Variants in C1GALT1C1L observed in about 807,000 individuals in gnomAD.
C1GALT1C1L encodes C1GALT1-specific chaperone 1-like protein.
A neutral mutation model predicts 0.5 loss-of-function variants in C1GALT1C1L; 1 was observed. The ratio of observed to expected loss-of-function variants is 2.11; its 90% confidence interval spans 0.75 to 10.02. The LOEUF (loss-of-function observed/expected upper bound fraction) is 10.02, where lower values mean the gene tolerates loss of function less well. C1GALT1C1L is among the 30% of genes most tolerant of loss of function. The pLI is 0.13. For missense variants in C1GALT1C1L, 444 were observed against 375.5 expected (o/e 1.18, Z -1.51); for synonymous variants, 148 against 132.6 (o/e 1.12, Z -0.80).
Position 43,675,556 on chromosome 2 carries a change from A to G in C1GALT1C1L, c.767T>C (p.Leu256Ser), listed in dbSNP as rs888430503. The G allele has an allele frequency of 1.9e-6, 3 of 1,613,800 alleles. No homozygotes were observed. Among genetic ancestry groups the G allele is most frequent in the Non-Finnish European group, 2.5e-6 (3 of 1,179,846 alleles). ...TACTACTTGCTGAGGGTTATTAGAC[A>G]ATGCCTCTTCAATAAGCTGTGCGAT... is the stretch of plus-strand genomic sequence containing the variant. ...KPIAQLIEEA[L>S]SNNPQQVVEG... The change falls in exon 1 of 1, where the codon TTG (leucine) becomes TCG (serine). Residue 256 changes from leucine (L) to serine (S), a missense_variant. Coordinates refer to ENST00000475092, the MANE Select transcript of C1GALT1C1L (RefSeq NM_001101330.3).
rs367771129 is a variant in C1GALT1C1L, at chr2:43,675,728, G to A, written c.595C>T (p.Leu199Phe). 42 of 1,613,774 alleles carry A rather than the reference G, an allele frequency of 2.6e-5. No individual in the cohort carries two copies. Among genetic ancestry groups the A allele is most frequent in the Non-Finnish European group, 3.3e-5 (39 of 1,179,898 alleles). The stretch of plus-strand genomic sequence containing the variant: ...TCTGCACAGGTCTCAGAGTTATCGA[G>A]AAGTCTGTTAAGTCTTTTCATCAAC... ...RELMKRLNRL[L>F]DNSETCADQS... is the part of the protein sequence containing the mutation. Residue 199 changes from leucine to phenylalanine, a missense_variant, in exon 1 of 1, where the codon CTC becomes TTC. Leu to Phe is a conservative substitution (Grantham distance 22, BLOSUM62 0). Transcript: ENST00000475092.
In C1GALT1C1L at chr2:43,676,366, G is replaced by A. The variant is rs759274710; in HGVS notation, c.-44C>T. ...GTGTGCCAGGGTCAAAGGCAGCCTG[G>A]GACCGGGTCCTGGGGTCCCGCGCCT... On this transcript the variant is annotated 5_prime_UTR_variant, in exon 1 of 1. Coordinates refer to ENST00000475092, the MANE Select transcript of C1GALT1C1L (RefSeq NM_001101330.3). 6.7e-7 allele frequency: 1 copy of A among 1,502,522 alleles called. No individual in the cohort carries two copies. Among genetic ancestry groups the A allele is most frequent in the Non-Finnish European group, 9.0e-7 (1 of 1,115,592 alleles). The allele number at this position is 1,502,522 out of a possible 1,614,324, so 93.1% of individuals were successfully genotyped here.
Position 43,676,212 on chromosome 2 carries a change from A to C in C1GALT1C1L, c.111T>G (p.Thr37=), listed in dbSNP as rs1358045181. ...GQIHIRHRGQ[T]QDHEHHHLRP... Reference sequence around the variant, plus strand: ...GAAGGTGATGGTGCTCGTGGTCTTGAGTTTGACCTCTGTGTCGAATGTGAA... The same window carrying C: ...GAAGGTGATGGTGCTCGTGGTCTTGCGTTTGACCTCTGTGTCGAATGTGAA... Residue 37 remains threonine (T), a synonymous_variant, in exon 1 of 1, where the codon ACT becomes ACG. Transcript: ENST00000475092. The C allele has an allele frequency of 1.9e-6, 3 of 1,614,046 alleles. No homozygotes were observed. The highest frequency in any genetic ancestry group is 2.5e-6 in the Non-Finnish European group (3 of 1,179,906).
Position 43,676,088 on chromosome 2 carries a change from C to T in C1GALT1C1L, c.235G>A (p.Glu79Lys). ...RVFCIIFGES[E>K]DESYWAVLKE... ...AGTACAGCCCAGTAACTCTCATCTT[C>T]GGATTCTCCAAAGATGATACAGAAA... Residue 79 changes from glutamate to lysine, a missense_variant, in exon 1 of 1, where the codon GAA (glutamate) becomes AAA (lysine). Coordinates refer to ENST00000475092, the MANE Select transcript of C1GALT1C1L (RefSeq NM_001101330.3). 6.2e-7 allele frequency: 1 copy of T among 1,613,746 alleles called. No individual in the cohort carries two copies. Among genetic ancestry groups the T allele is most frequent in the South Asian group, 1.1e-5 (1 of 91,046 alleles).
In C1GALT1C1L at chr2:43,676,417, G is replaced by A. The variant is rs1667794259; in HGVS notation, c.-95C>T. ...TCCGGAGCTGGCGGCTGCGCTCCCGGTTGGGCCACTCTAGCTGCGGGAGGT... is the reference window on the plus strand; with the variant it reads ...TCCGGAGCTGGCGGCTGCGCTCCCGATTGGGCCACTCTAGCTGCGGGAGGT... On this transcript the variant is annotated 5_prime_UTR_variant, in exon 1 of 1. Transcript: ENST00000475092. The A allele has an allele frequency of 2.0e-6, 2 of 978,876 alleles. No individual in the cohort carries two copies. The highest frequency in any genetic ancestry group is 1.7e-5 in the South Asian group (1 of 57,814). 60.6% of individuals were successfully genotyped at this position (978,876 alleles called of 1,614,324 possible).
rs1667751637 is a variant in C1GALT1C1L, at chr2:43,676,001, A to C, written c.322T>G (p.Leu108Val). 6.2e-7 allele frequency: 1 copy of C among 1,613,862 alleles called. No homozygotes were observed. Among genetic ancestry groups the C allele is most frequent in the Admixed American group, 1.7e-5 (1 of 59,990 alleles). ...AELYDTKNDN[L>V]FNIESNDRWV... ...CTGTCATTACTTTCTATATTGAACAAATTATCATTTTTAGTATCGTAGAGC... is the reference window on the plus strand; with the variant it reads ...CTGTCATTACTTTCTATATTGAACACATTATCATTTTTAGTATCGTAGAGC... Residue 108 changes from leucine to valine, a missense_variant, in exon 1 of 1, where the codon TTG becomes GTG. Coordinates refer to ENST00000475092, the MANE Select transcript of C1GALT1C1L (RefSeq NM_001101330.3).
Position 43,676,380 on chromosome 2 carries a change from G to A in C1GALT1C1L, c.-58C>T. The A allele has an allele frequency of 7.1e-7, 1 of 1,415,774 alleles. No homozygotes were observed. The highest frequency in any genetic ancestry group is 9.5e-7 in the Non-Finnish European group (1 of 1,049,528). 87.7% of individuals were successfully genotyped at this position (1,415,774 alleles called of 1,614,324 possible). A position where few individuals can be genotyped will look rare whatever the true frequency, so the allele number is the denominator to read the frequency against. On this transcript the variant is annotated 5_prime_UTR_variant, in exon 1 of 1. Transcript: ENST00000475092. ...AAGGCAGCCTGGGACCGGGTCCTGGGGTCCCGCGCCTTCCGGAGCTGGCGG... is the reference window on the plus strand; with the variant it reads ...AAGGCAGCCTGGGACCGGGTCCTGGAGTCCCGCGCCTTCCGGAGCTGGCGG...
At chr2:43,675,830 AG>A in the C1GALT1C1L span, 3 of 1,614,022 alleles carry the variant, frequency 1.9e-6, no homozygotes, top group Non-Finnish European at 2.5e-6. Flanking sequence ...CCCAGATAGA[AG>A]GGCTGGGATG....
Position 43,675,325 on chromosome 2 carries a change from G to T in C1GALT1C1L, c.*50C>A. 1 of 1,302,202 alleles carries T rather than the reference G, an allele frequency of 7.7e-7. No individual in the cohort carries two copies. The highest frequency in any genetic ancestry group is 1.0e-6 in the Non-Finnish European group (1 of 959,966). The allele number at this position is 1,302,202 out of a possible 1,614,324, so 80.7% of individuals were successfully genotyped here. A position where few individuals can be genotyped will look rare whatever the true frequency, so the allele number is the denominator to read the frequency against. On this transcript the variant is annotated 3_prime_UTR_variant, in exon 1 of 1. Transcript: ENST00000475092. The stretch of plus-strand genomic sequence containing the variant: ...TTACACTGTATCAGAATTTGGACTA[G>T]CCACATTTCAAGTGCTCTTGGACAG...
At position 43,676,175 on chromosome 2, in the gene C1GALT1C1L, T is replaced by C. The variant is rs149507132; in HGVS notation, c.148A>G (p.Arg50Gly). ...HEHHHLRPPN[R>G]NDFLNTSKVI... Reference sequence around the variant, plus strand: ...TTTGAAGTGTTTAAGAAATCGTTCCTGTTAGGTGGACGAAGGTGATGGTGC... The same window carrying C: ...TTTGAAGTGTTTAAGAAATCGTTCCCGTTAGGTGGACGAAGGTGATGGTGC... The change falls in exon 1 of 1, where the codon AGG (arginine) becomes GGG (glycine). Residue 50 changes from arginine (R) to glycine (G), a missense_variant. Coordinates refer to ENST00000475092, the MANE Select transcript of C1GALT1C1L (RefSeq NM_001101330.3). 648 of 1,614,032 alleles carry C rather than the reference T, an allele frequency of 4.0e-4. 3 individuals carry two copies. In the African/African-American group the frequency reaches 8.0e-3, roughly 20 times the overall value.
At position 43,675,994 on chromosome 2, in the gene C1GALT1C1L, T is replaced by C; in HGVS notation, c.329A>G (p.Asn110Ser). 1.2e-6 allele frequency: 2 copies of C among 1,614,052 alleles called. No homozygotes were observed. The highest frequency in any genetic ancestry group is 1.7e-6 in the Non-Finnish European group (2 of 1,179,902). The change falls in exon 1 of 1, where the codon AAT becomes AGT. Residue 110 changes from asparagine to serine, a missense_variant. Physicochemically the swap from Asn to Ser is conservative, Grantham distance 46. Transcript: ENST00000475092. ...TACCCACCTGTCATTACTTTCTATA[T>C]TGAACAAATTATCATTTTTAGTATC... is the stretch of plus-strand genomic sequence containing the variant. ...LYDTKNDNLF[N>S]IESNDRWVQM...
chr2:43,675,447 C>G lies in C1GALT1C1L; in HGVS notation c.876G>C (p.Arg292=), dbSNP rs1667699493. ...TGAAATAGTGTCCAAATGCCCTGAGCCGGTACAGGCCATACATCATTACTT... is the reference window on the plus strand; with the variant it reads ...TGAAATAGTGTCCAAATGCCCTGAGGCGGTACAGGCCATACATCATTACTT... The part of the protein sequence containing the change: ...KMEVMMYGLY[R]LRAFGHYFND... The change falls in exon 1 of 1, where the codon CGG becomes CGC. Residue 292 remains arginine, a synonymous_variant. Transcript: ENST00000475092. The G allele has an allele frequency of 6.2e-7, 1 of 1,612,722 alleles. No individual in the cohort carries two copies. The highest frequency in any genetic ancestry group is 1.3e-5 in the African/African-American group (1 of 74,868).
rs764949329 is a variant in C1GALT1C1L, at chr2:43,675,496, T to C, written c.827A>G (p.Asn276Ser). 3.1e-6 allele frequency: 5 copies of C among 1,613,908 alleles called. No homozygotes were observed. Among genetic ancestry groups the C allele is most frequent in the East Asian group, 2.2e-5 (1 of 44,890 alleles). The change falls in exon 1 of 1, where the codon AAT becomes AGT. Residue 276 changes from asparagine (N) to serine (S), a missense_variant. Physicochemically the swap from Asn to Ser is conservative, Grantham distance 46. Transcript: ENST00000475092. ...GCCSDMAITF[N>S]GLTPQKMEVM... ...TTCCATCTTTTGGGGGGTCAGTCCATTGAAAGTAATAGCCATATCTGAACA... is the reference window on the plus strand; with the variant it reads ...TTCCATCTTTTGGGGGGTCAGTCCACTGAAAGTAATAGCCATATCTGAACA...
rs1176488291 is a variant in C1GALT1C1L, at chr2:43,675,435, A to C, written c.888T>G (p.Phe296Leu). Reference protein sequence around the residue: ...MMYGLYRLRAFGHYFNDTLVF... With the variant: ...MMYGLYRLRALGHYFNDTLVF... ...CGAGTGTGTCATTGAAATAGTGTCC[A>C]AATGCCCTGAGCCGGTACAGGCCAT... is the stretch of plus-strand genomic sequence containing the variant. Residue 296 changes from phenylalanine to leucine, a missense_variant, in exon 1 of 1, where the codon TTT becomes TTG. By Grantham distance (22) the Phe-to-Leu change is conservative. Coordinates refer to ENST00000475092, the MANE Select transcript of C1GALT1C1L (RefSeq NM_001101330.3). The C allele has an allele frequency of 1.2e-6, 2 of 1,610,522 alleles. No homozygotes were observed. Among genetic ancestry groups the C allele is most frequent in the African/African-American group, 2.7e-5 (2 of 74,760 alleles).
At position 43,675,287 on chromosome 2, in the gene C1GALT1C1L, A is replaced by G; in HGVS notation, c.*88T>C. ...TAATATATGAATTATTGAATGAAGT[A>G]CGTATTTTACACTTACACTGTATCA... On this transcript the variant is annotated 3_prime_UTR_variant, in exon 1 of 1. Coordinates refer to ENST00000475092, the MANE Select transcript of C1GALT1C1L (RefSeq NM_001101330.3). 1.3e-6 allele frequency: 1 copy of G among 757,662 alleles called. No individual in the cohort carries two copies. The highest frequency in any genetic ancestry group is 2.0e-6 in the Non-Finnish European group (1 of 493,832). 46.9% of individuals were successfully genotyped at this position (757,662 alleles called of 1,614,324 possible).
chr2:43,675,680 A>G lies in C1GALT1C1L; in HGVS notation c.643T>C (p.Ser215Pro). The G allele has an allele frequency of 6.2e-7, 1 of 1,613,970 alleles. No homozygotes were observed. Among genetic ancestry groups the G allele is most frequent in the Non-Finnish European group, 8.5e-7 (1 of 1,179,902 alleles). The change falls in exon 1 of 1, where the codon TCT (serine) becomes CCT (proline). Residue 215 changes from serine (S) to proline (P), a missense_variant. Ser to Pro is a moderately conservative substitution (Grantham distance 74). Transcript: ENST00000475092. Reference protein sequence around the residue: ...CADQSVIWKLSEDKQLAICLK... With the variant: ...CADQSVIWKLPEDKQLAICLK... ...CATATTGCCAGCTGCTTATCTTCAGATAACTTCCAAATCACACTTTGATCT... is the reference window on the plus strand; with the variant it reads ...CATATTGCCAGCTGCTTATCTTCAGGTAACTTCCAAATCACACTTTGATCT...
rs1363402808 is a variant in C1GALT1C1L, at chr2:43,675,753, C to T, written c.570G>A (p.Glu190=). ...GAAGTCTGTTAAGTCTTTTCATCAA[C>T]TCTCTGCTTAAGACAATCCCTCCTT... ...TVEGGIVLSR[E]LMKRLNRLLD... The change falls in exon 1 of 1, where the codon GAG becomes GAA. Residue 190 remains glutamate (E), a synonymous_variant. Coordinates refer to ENST00000475092, the MANE Select transcript of C1GALT1C1L (RefSeq NM_001101330.3). The T allele has an allele frequency of 6.2e-7, 1 of 1,613,688 alleles. No homozygotes were observed. Among genetic ancestry groups the T allele is most frequent in the Admixed American group, 1.7e-5 (1 of 59,994 alleles).
Position 43,675,724 on chromosome 2 carries a change from T to G in C1GALT1C1L, c.599A>C (p.Asp200Ala). The change falls in exon 1 of 1, where the codon GAT becomes GCT. Residue 200 changes from aspartate (D) to alanine (A), a missense_variant. By Grantham distance (126) the Asp-to-Ala change is moderately radical. Transcript: ENST00000475092. ...ELMKRLNRLL[D>A]NSETCADQSV... is the part of the protein sequence containing the mutation. ...TTGATCTGCACAGGTCTCAGAGTTA[T>G]CGAGAAGTCTGTTAAGTCTTTTCAT... 6.2e-7 allele frequency: 1 copy of G among 1,613,932 alleles called. No homozygotes were observed. Among genetic ancestry groups the G allele is most frequent in the Non-Finnish European group, 8.5e-7 (1 of 1,179,882 alleles).
In C1GALT1C1L at chr2:43,675,455, G is replaced by A. The variant is rs987456047; in HGVS notation, c.868C>T (p.Leu290=). The A allele has an allele frequency of 1.9e-6, 3 of 1,613,724 alleles. No individual in the cohort carries two copies. Among genetic ancestry groups the A allele is most frequent in the Admixed American group, 1.7e-5 (1 of 59,990 alleles). Residue 290 remains leucine (L), a synonymous_variant, in exon 1 of 1, where the codon CTG becomes TTG. Coordinates refer to ENST00000475092, the MANE Select transcript of C1GALT1C1L (RefSeq NM_001101330.3). ...PQKMEVMMYG[L]YRLRAFGHYF... ...TGTCCAAATGCCCTGAGCCGGTACA[G>A]GCCATACATCATTACTTCCATCTTT...
Sources: allele counts gnomAD v4.1 joint callset, GRCh38; gene constraint gnomAD v4.1.1; transcripts MANE v1.5; gene names NCBI Gene and HGNC (gene_info 2026-07-23, HGNC 2026-07-21).